The following SYNE2 variants were observed in gnomAD, a reference collection of about 807,000 sequenced individuals.
SYNE2 encodes spectrin repeat containing nuclear envelope protein 2, also known as nesprin-2.
Under a neutral mutation model 856.3 loss-of-function variants are expected in SYNE2, and 431 were observed. The ratio of observed to expected loss-of-function variants is 0.50; its 90% CI spans 0.47 to 0.55. The LOEUF (loss-of-function observed/expected upper bound fraction) is 0.55. Ranked by LOEUF, SYNE2 falls within the 20% of genes least tolerant of loss-of-function variation. The pLI, the probability that SYNE2 is intolerant of heterozygous loss-of-function variation, is 0.00. For synonymous variants in SYNE2, 2,923 were observed against 2,872.3 expected, an observed-to-expected ratio of 1.02 and a Z score of -0.56; for missense variants, 8,129 against 8,023.2, an observed-to-expected ratio of 1.01 and a Z score of -0.50.
intron 46 of SYNE2, chr14:64,048,498 T>C (rs2185453): frequency 5.4e-6 from 1 of 185,442 alleles, no homozygotes; most frequent in African/African-American, 2.4e-5. Flanking sequence ...CAATCAGTTC[T>C]ATGAGGTTCT....
rs2096732476 is a variant in SYNE2, at chr14:63,998,796, C to G, written c.3354-118C>G. 8 of 1,118,754 alleles carry G rather than the reference C, an allele frequency of 7.2e-6. No homozygotes were observed. In the Admixed American group the frequency reaches 1.4e-4, roughly 20 times the overall value. 69.3% of individuals were successfully genotyped at this position (1,118,754 alleles called of 1,614,324 possible). A position where few individuals can be genotyped will look rare whatever the true frequency, so the allele number is the denominator to read the frequency against. ...CAGGCTGGTCTCAAACTCCTGACCT[C>G]AGGCAATCCACCCGCCTTGGCCTCC... is the stretch of plus-strand genomic sequence containing the variant. On this transcript the variant is annotated intron_variant, in intron 26 of 115. Transcript: ENST00000555002.
chr14:63,775,020 A>C (rs1025278832), intron 1 of SYNE2, among the ~76,000 whole-genome samples: 4 of 152,218 alleles, frequency 2.6e-5, no homozygotes, highest in South Asian at 2.1e-4. Flanking sequence ...CTTGCCGCCC[A>C]AGCTGGAGTG....
intron 1 of SYNE2, among the ~76,000 whole-genome samples, chr14:63,813,409 T>A (rs1888695283): frequency 6.6e-6 from 1 of 152,246 alleles, no homozygotes; most frequent in East Asian, 1.9e-4. Flanking sequence ...TAAACCTGAA[T>A]TAATCTACTT....
At chr14:64,207,914 C>A in intron 100 of SYNE2, 1 of 439,474 alleles carries the variant, frequency 2.3e-6, no homozygotes, top group South Asian at 1.6e-5. Context: ...CCTAACTCTT[C>A]CAGAATGGCA....
intron 1 of SYNE2, among the ~76,000 whole-genome samples, chr14:63,809,953 T>G (rs2139823291): frequency 6.6e-6 from 1 of 152,300 alleles, no homozygotes; most frequent in Middle Eastern, 3.4e-3. Flanking sequence ...CCAGGTGTGG[T>G]GGCCCATGCC....
In SYNE2 at chr14:63,988,973, A is replaced by G. The variant is rs572658015; in HGVS notation, c.2314-1438A>G. ...TATCACCATGCCACTGTGAGTTGTA[A>G]TTAAAAAATTATTTTTTGCTAACTT... On this transcript the variant is annotated intron_variant, in intron 19 of 115. Transcript: ENST00000555002. Among the ~76,000 whole-genome samples the G allele has an allele frequency of 3.3e-5, 5 of 152,332 alleles. No individual in the cohort carries two copies. In the South Asian group the frequency reaches 1.0e-3, roughly 32 times the overall value.
At chr14:64,223,637 T>C (rs1398151265) in intron 113 of SYNE2, among the ~76,000 whole-genome samples, 1 of 152,204 alleles carries the variant, frequency 6.6e-6, no homozygotes, top group Non-Finnish European at 1.5e-5. Context: ...GGCTAATTTT[T>C]GTATTTTTTG....
intron 84 of SYNE2, 96 bp from the exon 85 acceptor site, chr14:64,152,468 C>T: frequency 8.2e-7 from 1 of 1,214,130 alleles, no homozygotes. Context: ...AATCTAATGA[C>T]ATTTTTACTT....
intron 30 of SYNE2, among the ~76,000 whole-genome samples, chr14:64,006,328 T>A (rs1253694455): frequency 1.3e-5 from 2 of 151,256 alleles, no homozygotes; most frequent in Non-Finnish European, 2.9e-5. Flanking sequence ...CCATCCCTCC[T>A]TAGGATCCTG....
rs370342865 is a variant in SYNE2, at chr14:64,130,245, C to T, written c.14337C>T (p.His4779=). ...CGTTACAGGCTCAAATAGAAAATCA[C>T]AAGGTGAGACAGACACATGGGTCGG... ...KVALQAQIEN[H]KVFFQKLVAD... is the part of the protein sequence containing the mutation. The change falls in exon 76 of 116, where the codon CAC becomes CAT. Residue 4779 remains histidine (H), a synonymous_variant. Transcript: ENST00000555002. 9.3e-6 allele frequency: 15 copies of T among 1,611,052 alleles called. No individual in the cohort carries two copies. The African/African-American group carries it at 1.9e-4, about 20-fold the overall frequency.
intron 83 of SYNE2, among the ~76,000 whole-genome samples, chr14:64,144,698 G>A (rs1326587299): frequency 2.0e-5 from 3 of 152,158 alleles, no homozygotes; most frequent in African/African-American, 4.8e-5. Context: ...TTCTTGGAAA[G>A]CATTTGGAAA....
At chr14:63,916,419 C>G (rs976901685) in intron 2 of SYNE2, among the ~76,000 whole-genome samples, 1 of 152,138 alleles carries the variant, frequency 6.6e-6, no homozygotes, top group East Asian at 1.9e-4. Context: ...ATATCACTTC[C>G]TGCAATAATC....
At chr14:63,800,084 G>T (rs1317021605) in intron 1 of SYNE2, among the ~76,000 whole-genome samples, 1 of 152,158 alleles carries the variant, frequency 6.6e-6, no homozygotes, top group African/African-American at 2.4e-5. Context: ...TAATTTTCCT[G>T]TTAGCCTGTT....
At chr14:64,092,165 G>C (rs562173308) in intron 60 of SYNE2, among the ~76,000 whole-genome samples, 2 of 152,170 alleles carry the variant, frequency 1.3e-5, no homozygotes, top group South Asian at 4.2e-4. Flanking sequence ...TTAGTCTCCT[G>C]GTCAGAAAAA....
Position 64,037,462 on chromosome 14 carries a change from C to T in SYNE2, c.7221+6105C>T, listed in dbSNP as rs191525458. Among the ~76,000 whole-genome samples the T allele has an allele frequency of 2.0e-5, 3 of 152,290 alleles. No homozygotes were observed. In the East Asian group the frequency reaches 5.8e-4, roughly 29 times the overall value. ...CAGGGTTGGGGGTAAGGTCACAGATCTACAGGATCCCAAGGCAAAAGAATT... is the reference window on the plus strand; with the variant it reads ...CAGGGTTGGGGGTAAGGTCACAGATTTACAGGATCCCAAGGCAAAAGAATT... On this transcript the variant is annotated intron_variant, in intron 45 of 115. Transcript: ENST00000555002.
rs754428750 is a variant in SYNE2, at chr14:64,177,385, A to C, written c.17458A>C (p.Lys5820Gln). Residue 5820 changes from lysine to glutamine, a missense_variant, in exon 96 of 116, where the codon AAG becomes CAG. By Grantham distance (53) the Lys-to-Gln change is moderately conservative (BLOSUM62 1). This residue lies in a region of SYNE2 where 5,410 missense variants were observed against 5,284.8 expected (regional missense o/e 1.02). Coordinates refer to ENST00000555002, the MANE Select transcript of SYNE2 (RefSeq NM_182914.3). The stretch of plus-strand genomic sequence containing the variant: ...CTGGGACCAGTGTGAAAAGAAAATC[A>C]AGGAGTTGAAAAGCAGGCTGCAAGT... ...ETWDQCEKKIKELKSRLQVLK... is the reference protein window; with the variant it reads ...ETWDQCEKKIQELKSRLQVLK... The C allele has an allele frequency of 6.2e-7, 1 of 1,614,190 alleles. No individual in the cohort carries two copies. Among genetic ancestry groups the C allele is most frequent in the African/African-American group, 1.3e-5 (1 of 75,056 alleles).
chr14:64,000,726 T>G lies in SYNE2; in HGVS notation c.3638+7T>G, dbSNP rs2096747516. 1 of 1,609,554 alleles carries G rather than the reference T, an allele frequency of 6.2e-7. No homozygotes were observed. Among genetic ancestry groups the G allele is most frequent in the East Asian group, 2.2e-5 (1 of 44,704 alleles). ...AGATGACTCTTAATACCAGGTAAAA[T>G]TCTGAGATCTATTAACTATGAATCT... On this transcript the variant is annotated splice_region_variant and intron_variant, in intron 28 of 115. Transcript: ENST00000555002.
intron 99 of SYNE2, among the ~76,000 whole-genome samples, chr14:64,193,732 T>C (rs1307289507): frequency 6.6e-6 from 1 of 151,928 alleles, no homozygotes; most frequent in African/African-American, 2.4e-5. Context: ...AAAACCACAT[T>C]AGATTTCTGA....
At chr14:63,904,794 G>T (rs192747736) in intron 1 of SYNE2, among the ~76,000 whole-genome samples, 3 of 151,890 alleles carry the variant, frequency 2.0e-5, no homozygotes, top group East Asian at 1.9e-4. Flanking sequence ...CTTTTGCTGC[G>T]CAGGAACTCT....
Sources: allele counts gnomAD v4.1 joint callset (sites outside exome capture counted in the v4.1 genomes callset), GRCh38; gene constraint gnomAD v4.1.1; regional missense constraint gnomAD v4.1.1; transcripts MANE v1.5; gene names NCBI Gene and HGNC (gene_info 2026-07-23, HGNC 2026-07-21).